Variants in ZNF804A observed in about 807,000 individuals in gnomAD.
ZNF804A encodes zinc finger protein 804A.
A neutral mutation model predicts 16.5 loss-of-function variants in ZNF804A; 2 were observed. The observed-to-expected ratio is 0.12, with a 90% CI of 0.05 to 0.38. ZNF804A has a LOEUF of 0.38. Ranked by LOEUF, ZNF804A falls within the 10% of genes least tolerant of loss-of-function variation. The pLI, the probability that ZNF804A is intolerant of heterozygous loss-of-function variation, is 0.99. For synonymous variants in ZNF804A, 534 were observed against 489.6 expected, an observed-to-expected ratio of 1.09 and a Z score of -1.20; for missense variants, 1,473 against 1,390.7, an observed-to-expected ratio of 1.06 and a Z score of -0.94.
chr2:184,874,169 A>G (rs1696017524), intron 2 of ZNF804A, among the ~76,000 whole-genome samples: 2 of 152,174 alleles, frequency 1.3e-5, no homozygotes, highest in East Asian at 1.9e-4. Context: ...TTTCAAGGAT[A>G]CAGACATGAT....
At chr2:184,883,842 A>G (rs1684846771) in intron 2 of ZNF804A, among the ~76,000 whole-genome samples, 1 of 152,156 alleles carries the variant, frequency 6.6e-6, no homozygotes, top group Non-Finnish European at 1.5e-5. Flanking sequence ...CACAGTGAAC[A>G]TCATACCAAA....
chr2:184,699,046 G>T (rs1189733987), intron 1 of ZNF804A, among the ~76,000 whole-genome samples: 1 of 152,006 alleles, frequency 6.6e-6, no homozygotes, highest in Non-Finnish European at 1.5e-5. Context: ...TATGCATGGT[G>T]CATGGGGGTG....
rs1291498200 is a variant in ZNF804A, at chr2:184,734,262, T to A, written c.112-132107T>A. Reference sequence around the variant, plus strand: ...TATTTTCCTAAGGTGGAAGCTTAGATTGTTGAATTTTACATCTTTTTGTTT... The same window carrying A: ...TATTTTCCTAAGGTGGAAGCTTAGAATGTTGAATTTTACATCTTTTTGTTT... On this transcript the variant is annotated intron_variant, in intron 1 of 3. Transcript: ENST00000302277. 7.2e-5 allele frequency among the ~76,000 whole-genome samples: 11 copies of A among 152,142 alleles called. 1 individual carries two copies. Among genetic ancestry groups the A allele is most frequent in the African/African-American group, 2.7e-4 (11 of 41,424 alleles).
At chr2:184,798,169 A>G (rs1016831197) in intron 1 of ZNF804A, among the ~76,000 whole-genome samples, 1 of 151,698 alleles carries the variant, frequency 6.6e-6, no homozygotes, top group Non-Finnish European at 1.5e-5. Flanking sequence ...AGCTCTTAAG[A>G]TTCTTTCCTT....
chr2:184,921,824 G>A (rs182611720), intron 2 of ZNF804A, among the ~76,000 whole-genome samples: 24 of 151,780 alleles, frequency 1.6e-4, no homozygotes, highest in Non-Finnish European at 3.2e-4. Flanking sequence ...CTCCATCTCC[G>A]TGAGTTTAAT....
chr2:184,712,975 C>G (rs1444002837), intron 1 of ZNF804A, among the ~76,000 whole-genome samples: 1 of 151,658 alleles, frequency 6.6e-6, no homozygotes, highest in Non-Finnish European at 1.5e-5. Context: ...TTCTTTAAAA[C>G]AATTATATTG....
chr2:184,755,535 C>A (rs773628347), intron 1 of ZNF804A, among the ~76,000 whole-genome samples: 2 of 151,832 alleles, frequency 1.3e-5, no homozygotes, highest in Non-Finnish European at 2.9e-5. Flanking sequence ...TTGTCATTTT[C>A]TTTTTCCTCC....
intron 2 of ZNF804A, among the ~76,000 whole-genome samples, chr2:184,878,204 C>A (rs1684740848): frequency 6.6e-6 from 1 of 152,022 alleles, no homozygotes; most frequent in Non-Finnish European, 1.5e-5. Context: ...AGTAAGATAA[C>A]TGATTTGAGA....
intron 1 of ZNF804A, among the ~76,000 whole-genome samples, chr2:184,831,965 T>C (rs559668457): frequency 8.5e-5 from 13 of 152,152 alleles, no homozygotes; most frequent in Admixed American, 4.6e-4. Context: ...AAACGAGTTT[T>C]TCTCTCTTAC....
At chr2:184,894,065 A>G (rs1685027050) in intron 2 of ZNF804A, among the ~76,000 whole-genome samples, 1 of 152,106 alleles carries the variant, frequency 6.6e-6, no homozygotes, top group South Asian at 2.1e-4. Context: ...ACTCTGTTTG[A>G]GAACAACAAT....
intron 1 of ZNF804A, among the ~76,000 whole-genome samples, chr2:184,650,453 T>C (rs1030724529): frequency 1.2e-4 from 18 of 152,052 alleles, no homozygotes; most frequent in African/African-American, 4.3e-4. Flanking sequence ...GTGGAAGTGC[T>C]AGCCAGAGCA....
chr2:184,804,307 T>C (rs1694768959), intron 1 of ZNF804A, among the ~76,000 whole-genome samples: 2 of 152,190 alleles, frequency 1.3e-5, no homozygotes, highest in African/African-American at 4.8e-5. Flanking sequence ...AGGTCCTGGA[T>C]AGGCATGTCT....
chr2:184,784,941 G>C (rs1295348899), intron 1 of ZNF804A, among the ~76,000 whole-genome samples: 1 of 151,950 alleles, frequency 6.6e-6, no homozygotes, highest in Admixed American at 6.6e-5. Context: ...TCCAAAATCA[G>C]GTCGCTTGAG....
intron 1 of ZNF804A, among the ~76,000 whole-genome samples, chr2:184,662,046 C>T (rs193087462): frequency 2.0e-4 from 30 of 152,204 alleles, no homozygotes; most frequent in African/African-American, 6.7e-4. Flanking sequence ...TTCAGTTTAA[C>T]GACAATTCTT....
intron 2 of ZNF804A, among the ~76,000 whole-genome samples, chr2:184,911,211 A>G (rs530152852): frequency 6.6e-6 from 1 of 152,042 alleles, no homozygotes; most frequent in African/African-American, 2.4e-5. Flanking sequence ...TCTCAGCACT[A>G]TTAATTGAAT....
chr2:184,897,410 A>ATT (rs5836927), intron 2 of ZNF804A, among the ~76,000 whole-genome samples: 24 of 143,396 alleles, frequency 1.7e-4, no homozygotes, highest in Admixed American at 1.1e-3. Context: ...CAATTTTTGG[A>ATT]TTTTTCCCCC....
intron 2 of ZNF804A, among the ~76,000 whole-genome samples, chr2:184,925,321 G>A (rs183537290): frequency 9.2e-5 from 14 of 151,720 alleles, no homozygotes; most frequent in Middle Eastern, 3.4e-3. Context: ...TGTTGTCATC[G>A]AATCTGTTTA....
intron 1 of ZNF804A, among the ~76,000 whole-genome samples, chr2:184,625,482 A>G (rs17508630): frequency 0.012 from 1,825 of 152,246 alleles, 17 homozygotes; most frequent in Non-Finnish European, 0.018. Context: ...ATGACTTAGT[A>G]TATGTTTCAT....
rs867306094 is a variant in ZNF804A, at chr2:184,637,368, C to G, written c.111+38298C>G. On this transcript the variant is annotated intron_variant, in intron 1 of 3. Coordinates refer to ENST00000302277, the MANE Select transcript of ZNF804A (RefSeq NM_194250.2). ...CAATGTTTACATTGAAAACTTGGTA[C>G]TCTCTGGAGAAATAGACTTAGGAGA... 3.9e-5 allele frequency among the ~76,000 whole-genome samples: 6 copies of G among 152,180 alleles called. No individual in the cohort carries two copies. The South Asian group carries it at 1.0e-3, about 26-fold the overall frequency.
Sources: gnomAD v4.1 joint callset for allele counts (sites outside exome capture counted in the v4.1 genomes callset) on GRCh38, gnomAD v4.1.1 for gene constraint, MANE v1.5 for transcripts, NCBI Gene and HGNC (gene_info 2026-07-23, HGNC 2026-07-21) for gene names.